Variants in PDE10A observed in about 807,000 individuals in gnomAD.
PDE10A encodes cAMP and cAMP-inhibited cGMP 3',5'-cyclic phosphodiesterase 10A.
In PDE10A, 39 loss-of-function variants were observed where a neutral mutation model predicts 97.7. That is an observed-to-expected ratio of 0.40 (90% CI 0.31 to 0.52). The LOEUF (loss-of-function observed/expected upper bound fraction) is 0.52. Ranked by LOEUF, PDE10A falls within the 20% of genes least tolerant of loss-of-function variation. PDE10A has a pLI of 0.56. For synonymous variants in PDE10A, 371 were observed against 376.8 expected (o/e 0.98, Z 0.18); for missense variants, 731 against 1,047.8 (o/e 0.70, Z 4.17).
chr6:165,833,036 C>T (rs1324353152), intron 1 of PDE10A, among the ~76,000 whole-genome samples: 3 of 152,224 alleles, frequency 2.0e-5, no homozygotes, highest in Non-Finnish European at 2.9e-5. Flanking sequence ...CATCAAGAAT[C>T]GTAACCGATT....
chr6:165,412,172 T>C (rs951983256), intron 13 of PDE10A, among the ~76,000 whole-genome samples: 4 of 152,120 alleles, frequency 2.6e-5, no homozygotes, highest in Admixed American at 6.5e-5. Context: ...TGTATTATCT[T>C]ATAAATAGAA....
chr6:165,791,962 C>G (rs1427161685), intron 1 of PDE10A, among the ~76,000 whole-genome samples: 1 of 152,196 alleles, frequency 6.6e-6, no homozygotes, highest in African/African-American at 2.4e-5. Context: ...CTCTCAGCAT[C>G]GGCCGTGAAA....
intron 18 of PDE10A, 121 bp from the exon 19 acceptor site, chr6:165,343,623 C>T: frequency 2.8e-6 from 2 of 701,862 alleles, no homozygotes; most frequent in South Asian, 1.6e-5. Context: ...AAAGAGCACA[C>T]AGAAGTGACA....
chr6:165,732,664 C>T (rs1206136701), intron 1 of PDE10A, among the ~76,000 whole-genome samples: 2 of 152,226 alleles, frequency 1.3e-5, no homozygotes, highest in Non-Finnish European at 2.9e-5. Context: ...TGCAAATTTC[C>T]AGATGAGGCA....
At chr6:165,684,117 C>A (rs1315233278) in intron 1 of PDE10A, among the ~76,000 whole-genome samples, 1 of 152,140 alleles carries the variant, frequency 6.6e-6, no homozygotes, top group Non-Finnish European at 1.5e-5. Context: ...AGGCTCTCTC[C>A]TCTCTACTCT....
At chr6:165,749,609 C>T (rs1461483870) in intron 1 of PDE10A, among the ~76,000 whole-genome samples, 3 of 152,218 alleles carry the variant, frequency 2.0e-5, no homozygotes, top group Non-Finnish European at 4.4e-5. Context: ...ATTGGTGAGG[C>T]CTCAGATATT....
At chr6:165,430,513 T>C (rs971766436) in intron 8 of PDE10A, among the ~76,000 whole-genome samples, 168 bp from the exon 9 acceptor site, 14 of 152,316 alleles carry the variant, frequency 9.2e-5, no homozygotes, top group Middle Eastern at 3.4e-3. Flanking sequence ...AATACTTAAA[T>C]GTGCTAAACA....
At chr6:165,756,716 G>C (rs1389920) in intron 1 of PDE10A, among the ~76,000 whole-genome samples, 147,944 of 152,132 alleles carry the variant, frequency 0.97, 72,062 homozygotes, top group East Asian at 1. Context: ...ATATTCAAAT[G>C]TTTCCAGTTT....
chr6:165,749,428 C>T (rs373264992), intron 1 of PDE10A, among the ~76,000 whole-genome samples: 1 of 59,718 alleles, frequency 1.7e-5, no homozygotes, highest in African/African-American at 6.4e-5. Context: ...ATCACCATCA[C>T]CACCATCACC....
intron 1 of PDE10A, among the ~76,000 whole-genome samples, chr6:165,924,461 T>G (rs1173100954): frequency 1.3e-5 from 2 of 151,900 alleles, no homozygotes; most frequent in Non-Finnish European, 2.9e-5. Context: ...ATGGTGTCCA[T>G]GTGGATAGAA....
At chr6:165,789,776 C>T (rs946466575) in intron 1 of PDE10A, among the ~76,000 whole-genome samples, 1 of 150,912 alleles carries the variant, frequency 6.6e-6, no homozygotes. Flanking sequence ...CAAAGACATG[C>T]TTTATCTTAC....
chr6:165,354,366 C>G (rs1481283350), intron 18 of PDE10A, among the ~76,000 whole-genome samples: 1 of 152,136 alleles, frequency 6.6e-6, no homozygotes, highest in Non-Finnish European at 1.5e-5. Flanking sequence ...CATTGGATAA[C>G]CACATTAGTC....
intron 5 of PDE10A, among the ~76,000 whole-genome samples, chr6:165,441,328 C>T (rs1484871070): frequency 6.6e-6 from 1 of 152,158 alleles, no homozygotes; most frequent in Non-Finnish European, 1.5e-5. Flanking sequence ...TTCTATCTCC[C>T]CTACTGCTTA....
At chr6:165,765,418 G>A (rs1194589107) in intron 1 of PDE10A, among the ~76,000 whole-genome samples, 1 of 137,588 alleles carries the variant, frequency 7.3e-6, no homozygotes, top group Non-Finnish European at 1.6e-5. Context: ...CTGCAGTCCC[G>A]AGACCTGCCC....
intron 1 of PDE10A, among the ~76,000 whole-genome samples, chr6:165,800,791 C>T (rs975547768): frequency 1.3e-5 from 2 of 152,208 alleles, no homozygotes; most frequent in Non-Finnish European, 2.9e-5. Context: ...AATAATGATT[C>T]TCCACGTCTG....
At chr6:165,607,191 A>G (rs1583633840) in intron 1 of PDE10A, among the ~76,000 whole-genome samples, 1 of 152,224 alleles carries the variant, frequency 6.6e-6, no homozygotes, top group East Asian at 1.9e-4. Flanking sequence ...CGTCTGCACA[A>G]TGAGCATGTA....
chr6:165,720,832 G>A (rs930910725), intron 1 of PDE10A, among the ~76,000 whole-genome samples: 4 of 152,134 alleles, frequency 2.6e-5, no homozygotes, highest in Non-Finnish European at 5.9e-5. Flanking sequence ...AATGGAAGGT[G>A]GTCTCCACTC....
rs1015822495 is a variant in PDE10A at position 165,592,171 on chromosome 6, G to A, written c.866-48603C>T. On this transcript the variant is annotated intron_variant, in intron 1 of 21. Transcript: ENST00000539869. ...TAACGCCACACATCTACAACCATCTGATCTTTGACAAACCTGACAAAAACA... is the reference window on the plus strand; with the variant it reads ...TAACGCCACACATCTACAACCATCTAATCTTTGACAAACCTGACAAAAACA... Among the ~76,000 whole-genome samples, 8 of 152,234 alleles carry A rather than the reference G, an allele frequency of 5.3e-5. No homozygotes were observed. In the East Asian group the frequency reaches 1.5e-3, roughly 29 times the overall value.
intron 1 of PDE10A, among the ~76,000 whole-genome samples, chr6:165,623,714 TTC>T (rs1788256137): frequency 8.5e-5 from 13 of 152,058 alleles, no homozygotes; most frequent in African/African-American, 2.9e-4. Context: ...ATGGTGGGCT[TTC>T]CCTCCCCTCC....
Sources: gnomAD v4.1 joint callset for allele counts (sites outside exome capture counted in the v4.1 genomes callset) on GRCh38, gnomAD v4.1.1 for gene constraint, MANE v1.5 for transcripts, NCBI Gene and HGNC (gene_info 2026-07-23, HGNC 2026-07-21) for gene names.